Variants in PRPF38A observed in about 807,000 individuals in gnomAD.
PRPF38A encodes pre-mRNA-splicing factor 38A.
Under a neutral mutation model 46.8 loss-of-function variants are expected in PRPF38A, and 11 were observed. The ratio of observed to expected loss-of-function variants is 0.24; its 90% confidence interval spans 0.15 to 0.39. The LOEUF is 0.39. Ranked by LOEUF, PRPF38A falls within the 10% of genes least tolerant of loss-of-function variation. PRPF38A has a pLI of 1.00. For synonymous variants in PRPF38A, 124 were observed against 136.2 expected (o/e 0.91, Z 0.62); for missense variants, 261 against 407.5 (o/e 0.64, Z 3.10).
intron 6 of PRPF38A, 129 bp from the exon 7 acceptor site, chr1:52,414,491 AC>A (rs1232033771): frequency 3.3e-6 from 3 of 914,930 alleles, no homozygotes; most frequent in Non-Finnish European, 5.2e-6. Flanking sequence ...TGCTAGAGTT[AC>A]GTGACAAAAG....
chr1:52,418,712 T>C lies in PRPF38A; in HGVS notation c.*2022T>C, dbSNP rs1648360911. On this transcript the variant is annotated 3_prime_UTR_variant, in exon 10 of 10. Transcript: ENST00000257181. The stretch of plus-strand genomic sequence containing the variant: ...GATAAAATTACACAGGAGATGGAGC[T>C]TGAGGACAAACCTTGCTGTAAGGCT... 6.6e-6 allele frequency: 1 copy of C among 152,206 alleles called. No individual in the cohort carries two copies. The highest frequency in any genetic ancestry group is 2.4e-5 in the African/African-American group (1 of 41,454). 9.4% of individuals were successfully genotyped at this position (152,206 alleles called of 1,614,324 possible).
Position 52,408,605 on chromosome 1 carries a change from G to C in PRPF38A, c.327G>C (p.Leu109=), listed in dbSNP as rs375603067. Residue 109 remains leucine (L), a synonymous_variant, in exon 3 of 10, where the codon CTG becomes CTC. Transcript: ENST00000257181. ...TGCTGGGGGCACTTTACATGAGGCT[G>C]ACAGGCACTGCAATTGATTGCTACA... ...VRMLGALYMR[L]TGTAIDCYKY... is the part of the protein sequence containing the mutation. 5 of 1,614,078 alleles carry C rather than the reference G, an allele frequency of 3.1e-6. No individual in the cohort carries two copies. The African/African-American group carries it at 6.7e-5, about 22-fold the overall frequency.
rs1648427342 is a variant in PRPF38A at position 52,420,263 on chromosome 1, AAAG to A, written c.*3579_*3581del. The A allele has an allele frequency of 6.6e-6, 1 of 152,236 alleles. No homozygotes were observed. 9.4% of individuals were successfully genotyped at this position (152,236 alleles called of 1,614,324 possible). On this transcript the variant is annotated 3_prime_UTR_variant, in exon 10 of 10. Transcript: ENST00000257181. ...AACCGCCCAATAATGAAATTCAACT[AAAG>A]AAGAAATGAATCAAATTAAGGACTT...
intron 5 of PRPF38A, 74 bp downstream of exon 5, chr1:52,412,698 CTTTAATT>C: frequency 9.6e-7 from 1 of 1,037,544 alleles, no homozygotes. Flanking sequence ...TGTTTTTAGA[CTTTAATT>C]TTTAACTCTA....
chr1:52,405,525 A>G lies in PRPF38A; in HGVS notation c.131-155A>G, dbSNP rs146417844. ...CTATTTTATTATCCATTCTCAATGT[A>G]TATTAGCTGTTGTCGTTACTGTTAT... On this transcript the variant is annotated intron_variant, in intron 1 of 9. Coordinates refer to ENST00000257181, the MANE Select transcript of PRPF38A (RefSeq NM_032864.4). Among the ~76,000 whole-genome samples, 10 of 152,350 alleles carry G rather than the reference A, an allele frequency of 6.6e-5. No homozygotes were observed. The East Asian group carries it at 1.7e-3, about 26-fold the overall frequency.
At position 52,407,391 on chromosome 1, in the gene PRPF38A, A is replaced by G. The variant is rs144415448; in HGVS notation, c.291-1178A>G. Among the ~76,000 whole-genome samples the G allele has an allele frequency of 5.0e-3, 762 of 152,202 alleles. 8 individuals are homozygous for G. Among genetic ancestry groups the G allele is most frequent in the African/African-American group, 0.017 (713 of 41,464 alleles). On this transcript the variant is annotated intron_variant, in intron 2 of 9. Transcript: ENST00000257181. ...AGGCACTTACTGTGTGCTCTGTGCTATACTTAGCACTTTCAATGCATTTCT... is the reference window on the plus strand; with the variant it reads ...AGGCACTTACTGTGTGCTCTGTGCTGTACTTAGCACTTTCAATGCATTTCT...
At chr1:52,408,234 T>C (rs1458259894) in intron 2 of PRPF38A, 2 of 386,446 alleles carry the variant, frequency 5.2e-6, no homozygotes, top group Middle Eastern at 8.4e-4. Context: ...AGCAAGACTC[T>C]GCCTTAAAAA....
chr1:52,405,003 G>C, intron 1 of PRPF38A, 124 bp downstream of exon 1: 1 of 1,154,066 alleles, frequency 8.7e-7, no homozygotes, highest in Non-Finnish European at 1.2e-6. Flanking sequence ...CGATCATTCA[G>C]AAAAATTTTG....
intron 2 of PRPF38A, chr1:52,408,133 T>A (rs188402938): frequency 6.9e-6 from 2 of 288,080 alleles, no homozygotes; most frequent in Non-Finnish European, 1.3e-5. Context: ...CCTCGCTACA[T>A]GGAGGCTGAG....
At chr1:52,414,670 T>C (rs998956757) in intron 7 of PRPF38A, 23 bp downstream of exon 7, 1 of 1,613,986 alleles carries the variant, frequency 6.2e-7, no homozygotes, top group African/African-American at 1.3e-5. Flanking sequence ...TCATTTGTGA[T>C]GAAGGATAGG....
chr1:52,413,936 C>G lies in PRPF38A; in HGVS notation c.667C>G (p.Pro223Ala), dbSNP rs768783912. 6.2e-7 allele frequency: 1 copy of G among 1,614,070 alleles called. No homozygotes were observed. The highest frequency in any genetic ancestry group is 1.1e-5 in the South Asian group (1 of 91,084). Residue 223 changes from proline to alanine, a missense_variant, in exon 6 of 10, where the codon CCC (proline) becomes GCC (alanine). Transcript: ENST00000257181. ...RRRSYRDLDKPRRSPTLRYRR... is the reference protein window; with the variant it reads ...RRRSYRDLDKARRSPTLRYRR... ...GAGAAGCTACCGAGACTTGGACAAG[C>G]CCCGTCGCTCTCCCACACTGCGCTA...
Position 52,418,145 on chromosome 1 carries a change from A to G in PRPF38A, c.*1455A>G, listed in dbSNP as rs1322073829. Reference sequence around the variant, plus strand: ...ATTCTATGCCTGCTCTAGAATTGAAAGACTTCAGCAGTATTAAAGCATTTT... The same window carrying G: ...ATTCTATGCCTGCTCTAGAATTGAAGGACTTCAGCAGTATTAAAGCATTTT... On this transcript the variant is annotated 3_prime_UTR_variant, in exon 10 of 10. Coordinates refer to ENST00000257181, the MANE Select transcript of PRPF38A (RefSeq NM_032864.4). 1 of 152,656 alleles carries G rather than the reference A, an allele frequency of 6.6e-6. No homozygotes were observed. Among genetic ancestry groups the G allele is most frequent in the Non-Finnish European group, 1.5e-5 (1 of 68,036 alleles). 9.5% of individuals were successfully genotyped at this position (152,656 alleles called of 1,614,324 possible).
In PRPF38A at chr1:52,411,180, A is replaced by C. The variant is rs774012364; in HGVS notation, c.478A>C (p.Ile160Leu). The change falls in exon 4 of 10, where the codon ATC becomes CTC. Residue 160 changes from isoleucine to leucine, a missense_variant. Around this residue, in one of 2 missense-constraint regions of PRPF38A, gnomAD observed 180 missense variants for 221.0 expected, o/e 0.81. Transcript: ENST00000257181. ...ELLHSERVCD[I>L]ILPRLQKRYV... ...ATTGCACAGTGAGAGAGTCTGTGAT[A>C]TCATTCTGCCCCGACTACAGGTAAG... 4 of 1,613,010 alleles carry C rather than the reference A, an allele frequency of 2.5e-6. No individual in the cohort carries two copies. Among genetic ancestry groups the C allele is most frequent in the East Asian group, 4.5e-5 (2 of 44,876 alleles).
In PRPF38A at chr1:52,411,156, T is replaced by C. The variant is rs141933040; in HGVS notation, c.454T>C (p.Leu152=). The C allele has an allele frequency of 3.0e-4, 484 of 1,613,886 alleles. No individual in the cohort carries two copies. The highest frequency in any genetic ancestry group is 3.3e-4 in the Non-Finnish European group (386 of 1,179,910). Residue 152 remains leucine (L), a synonymous_variant, in exon 4 of 10, where the codon TTG becomes CTG. Coordinates refer to ENST00000257181, the MANE Select transcript of PRPF38A (RefSeq NM_032864.4). ...TGTTGATGAGTTTATTGATGAACTA[T>C]TGCACAGTGAGAGAGTCTGTGATAT... ...MHVDEFIDEL[L]HSERVCDIIL...
At chr1:52,408,314 T>G (rs1230272382) in intron 2 of PRPF38A, 1 of 603,144 alleles carries the variant, frequency 1.7e-6, no homozygotes, top group Non-Finnish European at 3.1e-6. Context: ...TTTATTCTAG[T>G]TTTACTGATG....
Position 52,411,216 on chromosome 1 carries a change from C to G in PRPF38A, c.498+16C>G. On this transcript the variant is annotated intron_variant, in intron 4 of 9. Transcript: ENST00000257181. Reference sequence around the variant, plus strand: ...CCGACTACAGGTAAGAAATAAAAGTCTGTTACCAGAGTCACCCTTCTCTTC... The same window carrying G: ...CCGACTACAGGTAAGAAATAAAAGTGTGTTACCAGAGTCACCCTTCTCTTC... 6.3e-7 allele frequency: 1 copy of G among 1,582,350 alleles called. No individual in the cohort carries two copies. The highest frequency in any genetic ancestry group is 1.1e-5 in the South Asian group (1 of 90,496).
Position 52,404,728 on chromosome 1 carries a change from A to G in PRPF38A, c.-22A>G, listed in dbSNP as rs1198135281. The G allele has an allele frequency of 6.2e-7, 1 of 1,610,054 alleles. No individual in the cohort carries two copies. The highest frequency in any genetic ancestry group is 8.5e-7 in the Non-Finnish European group (1 of 1,178,276). ...TGAGGCATTAAAGGATCCGACGGAA[A>G]TAGAATTGAAGGCATTCTAAAATGG... On this transcript the variant is annotated 5_prime_UTR_variant, in exon 1 of 10. Coordinates refer to ENST00000257181, the MANE Select transcript of PRPF38A (RefSeq NM_032864.4).
Position 52,415,290 on chromosome 1 carries a change from A to T in PRPF38A, c.848-48A>T, listed in dbSNP as rs752482118. On this transcript the variant is annotated intron_variant, in intron 8 of 9. Transcript: ENST00000257181. ...TAGGGGAGGTGAGAATGACAGTTTA[A>T]TAAGAGTAGAAGGGTAGGATCTTAT... The T allele has an allele frequency of 6.9e-6, 11 of 1,584,614 alleles. No homozygotes were observed. The East Asian group carries it at 2.5e-4, about 35-fold the overall frequency.
chr1:52,416,377 C>T (rs1372556930), intron 9 of PRPF38A, among the ~76,000 whole-genome samples: 4 of 151,590 alleles, frequency 2.6e-5, no homozygotes, highest in South Asian at 2.1e-4. Flanking sequence ...GGCCCAATCT[C>T]GGCTCACAGC....
Sources: allele counts gnomAD v4.1 joint callset (sites outside exome capture counted in the v4.1 genomes callset), GRCh38; gene constraint gnomAD v4.1.1; regional missense constraint gnomAD v4.1.1; transcripts MANE v1.5; gene names NCBI Gene and HGNC (gene_info 2026-07-23, HGNC 2026-07-21).